Variants in RANBP17 observed in about 807,000 individuals in gnomAD.
The protein encoded by RANBP17 is ran-binding protein 17.
A neutral mutation model predicts 141.2 loss-of-function variants in RANBP17; 158 were observed. The observed-to-expected ratio is 1.12, with a 90% CI of 0.98 to 1.28. The LOEUF (loss-of-function observed/expected upper bound fraction) is 1.28. Among genes scored for constraint, RANBP17 ranks in the 50% most tolerant of loss-of-function variants. RANBP17 has a pLI of 0.00. For missense variants in RANBP17, 1,438 were observed against 1,290.7 expected (o/e 1.11, Z -1.75); for synonymous variants, 430 against 450.0 (o/e 0.96, Z 0.56).
chr5:170,947,739 C>G (rs1774877151), intron 12 of RANBP17, among the ~76,000 whole-genome samples: 1 of 152,076 alleles, frequency 6.6e-6, no homozygotes, highest in Non-Finnish European at 1.5e-5. Flanking sequence ...GGGCATTTCT[C>G]TCTCTGTTCA....
intron 14 of RANBP17, among the ~76,000 whole-genome samples, chr5:171,159,300 A>C (rs544529817): frequency 6.6e-6 from 1 of 152,320 alleles, no homozygotes; most frequent in East Asian, 1.9e-4. Context: ...CAATATCATA[A>C]GTTTCATCTC....
intron 12 of RANBP17, among the ~76,000 whole-genome samples, chr5:170,933,833 A>G (rs1223300855): frequency 1.3e-5 from 2 of 152,166 alleles, no homozygotes; most frequent in Middle Eastern, 3.2e-3. Context: ...TTTACTTCCA[A>G]CTATGTGGTC....
chr5:170,939,886 A>G (rs1005856085), intron 12 of RANBP17, among the ~76,000 whole-genome samples: 2 of 152,222 alleles, frequency 1.3e-5, no homozygotes, highest in African/African-American at 4.8e-5. Flanking sequence ...AAGGGTAACA[A>G]CTAAAAGAGT....
intron 14 of RANBP17, among the ~76,000 whole-genome samples, chr5:171,066,543 A>G (rs1784323424): frequency 6.6e-6 from 1 of 152,202 alleles, no homozygotes. Flanking sequence ...GTATGTATAT[A>G]CCACATTTTC....
chr5:170,965,130 G>C (rs963915194), intron 13 of RANBP17, among the ~76,000 whole-genome samples: 1 of 152,098 alleles, frequency 6.6e-6, no homozygotes, highest in Non-Finnish European at 1.5e-5. Flanking sequence ...GTTTTGATTT[G>C]CATTTCTCTG....
At chr5:171,014,409 G>A (rs1458318826) in intron 14 of RANBP17, among the ~76,000 whole-genome samples, 2 of 151,650 alleles carry the variant, frequency 1.3e-5, no homozygotes, top group Admixed American at 6.6e-5. Flanking sequence ...TCTTTGGATC[G>A]AACATTTAGT....
intron 14 of RANBP17, among the ~76,000 whole-genome samples, chr5:171,089,292 C>G (rs1318429148): frequency 9.6e-6 from 1 of 104,424 alleles, no homozygotes; most frequent in African/African-American, 3.0e-5. Flanking sequence ...GTCAGGGACC[C>G]ACTTGAGGAG....
intron 22 of RANBP17, 93 bp downstream of exon 22, chr5:171,221,933 A>G (rs1763587673): frequency 2.4e-6 from 2 of 826,892 alleles, no homozygotes; most frequent in Non-Finnish European, 3.9e-6. Context: ...TTGAACTTTC[A>G]TATCTTTATG....
At chr5:170,895,890 CAT>C (rs1478102619) in intron 4 of RANBP17, among the ~76,000 whole-genome samples, 158 bp from the exon 5 acceptor site, 5 of 152,138 alleles carry the variant, frequency 3.3e-5, no homozygotes, top group African/African-American at 1.2e-4. Context: ...TTATAGAACT[CAT>C]AGCGATTTTT....
chr5:171,107,406 A>G (rs1754927326), intron 14 of RANBP17, among the ~76,000 whole-genome samples: 1 of 152,176 alleles, frequency 6.6e-6, no homozygotes, highest in Non-Finnish European at 1.5e-5. Context: ...GGCAGTGAGT[A>G]TTGAGTGCAA....
intron 22 of RANBP17, among the ~76,000 whole-genome samples, chr5:171,227,231 A>C (rs867920329): frequency 2.6e-5 from 4 of 152,266 alleles, no homozygotes; most frequent in Non-Finnish European, 5.9e-5. Context: ...CAAACAGCCA[A>C]GTGGTGAATG....
intron 14 of RANBP17, among the ~76,000 whole-genome samples, chr5:171,163,725 C>T (rs1759495045): frequency 6.6e-6 from 1 of 152,104 alleles, no homozygotes; most frequent in Non-Finnish European, 1.5e-5. Context: ...TAGATTGAAA[C>T]AATACTTGAA....
At chr5:170,995,835 A>G (rs1417886925) in intron 14 of RANBP17, among the ~76,000 whole-genome samples, 1 of 152,146 alleles carries the variant, frequency 6.6e-6, no homozygotes, top group African/African-American at 2.4e-5. Context: ...AATGTTTTTA[A>G]ACATCACTAA....
intron 13 of RANBP17, among the ~76,000 whole-genome samples, chr5:170,966,722 G>A (rs1263229365): frequency 6.6e-6 from 1 of 152,078 alleles, no homozygotes; most frequent in Non-Finnish European, 1.5e-5. Flanking sequence ...GGAAGTAATG[G>A]GTATTCAATT....
At chr5:171,182,067 T>G (rs752979686) in intron 16 of RANBP17, among the ~76,000 whole-genome samples, 14 of 152,224 alleles carry the variant, frequency 9.2e-5, no homozygotes, top group Non-Finnish European at 1.5e-5. Flanking sequence ...GTGACTAACA[T>G]TTAGAATTAT....
intron 25 of RANBP17, among the ~76,000 whole-genome samples, chr5:171,269,622 T>G (rs879113439): frequency 6.6e-6 from 1 of 152,212 alleles, no homozygotes; most frequent in Admixed American, 6.5e-5. Context: ...AGATTCAGCC[T>G]GTTACCAGTG....
intron 14 of RANBP17, among the ~76,000 whole-genome samples, chr5:171,138,219 C>G (rs1284879485): frequency 1.3e-5 from 2 of 152,066 alleles, no homozygotes; most frequent in Non-Finnish European, 2.9e-5. Context: ...AACAATAAAG[C>G]TGGGAAAACT....
chr5:171,127,090 T>G lies in RANBP17; in HGVS notation c.1711-43040T>G, dbSNP rs137905548. Among the ~76,000 whole-genome samples, 1,042 of 152,206 alleles carry G rather than the reference T, an allele frequency of 6.8e-3. 42 individuals are homozygous for G. The highest frequency in any genetic ancestry group is 0.061 in the Admixed American group (936 of 15,288). On this transcript the variant is annotated intron_variant, in intron 14 of 27. Coordinates refer to ENST00000523189, the MANE Select transcript of RANBP17 (RefSeq NM_022897.5). ...GATGCAAAAACCCTCAACAAAATAC[T>G]TGCAAACCAAATAGCACATCAGAAG...
intron 13 of RANBP17, among the ~76,000 whole-genome samples, chr5:170,963,540 C>A (rs1357983108): frequency 6.6e-6 from 1 of 152,168 alleles, no homozygotes; most frequent in Non-Finnish European, 1.5e-5. Flanking sequence ...TTTCCATGGA[C>A]CGGGGCAGGG....
Sources: allele counts gnomAD v4.1 joint callset (sites outside exome capture counted in the v4.1 genomes callset), GRCh38; gene constraint gnomAD v4.1.1; transcripts MANE v1.5; gene names NCBI Gene and HGNC (gene_info 2026-07-23, HGNC 2026-07-21).